The following DACH2 variants were observed in gnomAD, a reference collection of about 807,000 sequenced individuals.
DACH2 encodes dachshund family transcription factor 2, also known as dachshund homolog 2.
In DACH2, 17 loss-of-function variants were observed where a neutral mutation model predicts 35.8. That is an observed-to-expected ratio of 0.48 (90% CI 0.33 to 0.71). DACH2 has a LOEUF of 0.71. Ranked by LOEUF, DACH2 falls within the 30% of genes least tolerant of loss-of-function variation. DACH2 has a pLI of 0.02. For synonymous variants in DACH2, 195 were observed against 177.3 expected (o/e 1.10, Z -0.79); for missense variants, 469 against 472.7 (o/e 0.99, Z 0.07).
intron 1 of DACH2, among the ~76,000 whole-genome samples, chrX:86,268,730 C>T (rs771508135): frequency 2.7e-5 from 3 of 109,422 alleles, no homozygotes; most frequent in East Asian, 2.9e-4. Context: ...GACAGGGTTT[C>T]GCCATGTTGG....
chrX:86,585,759 C>T (rs1402636845), intron 3 of DACH2, among the ~76,000 whole-genome samples: 1 of 111,197 alleles, frequency 9.0e-6, no homozygotes. Flanking sequence ...TTTTTTATGT[C>T]TGTTTAGTAC....
At chrX:86,443,040 C>T (rs2037196808) in intron 2 of DACH2, among the ~76,000 whole-genome samples, 1 of 111,561 alleles carries the variant, frequency 9.0e-6, no homozygotes, top group Admixed American at 9.6e-5. Flanking sequence ...TTTGCTCAAG[C>T]TTGCTTTGGC....
At chrX:86,576,437 A>G (rs978096095) in intron 3 of DACH2, among the ~76,000 whole-genome samples, 2 of 111,782 alleles carry the variant, frequency 1.8e-5, no homozygotes, top group Non-Finnish European at 3.8e-5. Flanking sequence ...TGAATTCAAC[A>G]TAGATTTCAA....
intron 7 of DACH2, among the ~76,000 whole-genome samples, chrX:86,765,589 A>C (rs1216781010): frequency 9.3e-6 from 1 of 107,514 alleles, no homozygotes; most frequent in Admixed American, 1.0e-4. Context: ...CCATTGGTCT[A>C]TATGTATATT....
chrX:86,302,118 A>T (rs1026649264), intron 1 of DACH2, among the ~76,000 whole-genome samples: 3 of 111,566 alleles, frequency 2.7e-5, no homozygotes, highest in Non-Finnish European at 5.7e-5. Context: ...GGTTTTATAC[A>T]TATATATTTT....
intron 2 of DACH2, among the ~76,000 whole-genome samples, chrX:86,413,961 G>A (rs1156530915): frequency 9.0e-6 from 1 of 111,624 alleles, no homozygotes; most frequent in Non-Finnish European, 1.9e-5. Flanking sequence ...CTCAAAGCCA[G>A]TGTCCAAAAT....
chrX:86,594,523 A>T (rs2039688791), intron 3 of DACH2, among the ~76,000 whole-genome samples: 1 of 110,657 alleles, frequency 9.0e-6, no homozygotes, highest in South Asian at 3.7e-4. Flanking sequence ...TTGTATTTTT[A>T]TTTTCATTTC....
rs771687997 is a variant in DACH2, at chrX:86,577,520, T to C, written c.640+63129T>C. Among the ~76,000 whole-genome samples, 9 of 111,916 alleles carry C rather than the reference T, an allele frequency of 8.0e-5. No individual in the cohort carries two copies. The South Asian group carries it at 3.3e-3, about 42-fold the overall frequency. ...TAGATTTACAGAAATGTTGCAAAGATAGTACAGAATTTTCCTCTATACTTT... is the reference window on the plus strand; with the variant it reads ...TAGATTTACAGAAATGTTGCAAAGACAGTACAGAATTTTCCTCTATACTTT... On this transcript the variant is annotated intron_variant, in intron 3 of 11. Coordinates refer to ENST00000373125, the MANE Select transcript of DACH2 (RefSeq NM_053281.3).
chrX:86,159,093 C>A (rs759826186), intron 1 of DACH2, among the ~76,000 whole-genome samples: 1 of 111,046 alleles, frequency 9.0e-6, no homozygotes, highest in Non-Finnish European at 1.9e-5. Flanking sequence ...ATGAGACACA[C>A]GTTTTTGTTA....
intron 2 of DACH2, among the ~76,000 whole-genome samples, chrX:86,420,497 A>G (rs1017258854): frequency 6.3e-5 from 7 of 110,384 alleles, no homozygotes; most frequent in African/African-American, 9.9e-5. Context: ...TAATAATATC[A>G]TAGGTACTGT....
chrX:86,601,587 TATG>T lies in DACH2; in HGVS notation c.641-49446_641-49444del, dbSNP rs756117077. On this transcript the variant is annotated intron_variant, in intron 3 of 11. Transcript: ENST00000373125. ...TGAAAATGATAAACTAGCTAAAGACTATGATATTGTACAGTACAGTTCTAGACA... is the reference window on the plus strand; with the variant it reads ...TGAAAATGATAAACTAGCTAAAGACTATATTGTACAGTACAGTTCTAGACA... Among the ~76,000 whole-genome samples the T allele has an allele frequency of 2.7e-5, 3 of 112,115 alleles. No homozygotes were observed. In the South Asian group the frequency reaches 1.1e-3, roughly 41 times the overall value.
chrX:86,451,292 C>T (rs1370578321), intron 2 of DACH2, among the ~76,000 whole-genome samples: 1 of 111,842 alleles, frequency 8.9e-6, no homozygotes, highest in Non-Finnish European at 1.9e-5. Context: ...CCAGTTACTC[C>T]AGCACCACTT....
chrX:86,722,341 T>A (rs1483121159), intron 6 of DACH2, among the ~76,000 whole-genome samples: 1 of 111,034 alleles, frequency 9.0e-6, no homozygotes, highest in Non-Finnish European at 1.9e-5. Flanking sequence ...ATATCTTATT[T>A]ATGTATTTAT....
At chrX:86,699,616 T>C (rs2041115685) in intron 5 of DACH2, among the ~76,000 whole-genome samples, 1 of 111,549 alleles carries the variant, frequency 9.0e-6, no homozygotes, top group Non-Finnish European at 1.9e-5. Context: ...GGGAATACAA[T>C]TCAATATGCG....
intron 1 of DACH2, among the ~76,000 whole-genome samples, chrX:86,308,687 C>T (rs1930871742): frequency 1.8e-5 from 2 of 111,722 alleles, no homozygotes; most frequent in African/African-American, 6.5e-5. Context: ...ATCTTTCACC[C>T]ATCTTTCCCC....
intron 1 of DACH2, among the ~76,000 whole-genome samples, chrX:86,319,509 A>G (rs1472634076): frequency 2.7e-5 from 3 of 111,855 alleles, no homozygotes; most frequent in Non-Finnish European, 5.6e-5. Flanking sequence ...CTTTCAGCAT[A>G]GTTAGGGTCA....
chrX:86,228,026 G>C (rs2032864100), intron 1 of DACH2, among the ~76,000 whole-genome samples: 2 of 110,086 alleles, frequency 1.8e-5, no homozygotes, highest in African/African-American at 6.6e-5. Flanking sequence ...ACATGAGTAA[G>C]TTCTTTAGTG....
At chrX:86,657,714 T>A (rs13441218) in intron 4 of DACH2, among the ~76,000 whole-genome samples, 13,050 of 110,961 alleles carry the variant, frequency 0.12, 647 homozygotes, top group East Asian at 0.32. Context: ...GTTTTTCAAT[T>A]TAAGAGGGAG....
intron 2 of DACH2, among the ~76,000 whole-genome samples, chrX:86,486,982 A>G (rs1226818592): frequency 8.9e-6 from 1 of 112,034 alleles, no homozygotes; most frequent in African/African-American, 3.2e-5. Flanking sequence ...TAACCAAAAT[A>G]TTAAACACAA....
Sources: gnomAD v4.1 joint callset for allele counts (sites outside exome capture counted in the v4.1 genomes callset) on GRCh38, gnomAD v4.1.1 for gene constraint, MANE v1.5 for transcripts, NCBI Gene and HGNC (gene_info 2026-07-23, HGNC 2026-07-21) for gene names.